The following ZNF277 variants were observed in gnomAD, a reference collection of about 807,000 sequenced individuals.
The protein encoded by ZNF277 is nuclear receptor-interacting factor 4.
In ZNF277, 55 loss-of-function variants were observed where a neutral mutation model predicts 60.7. The observed-to-expected ratio is 0.91, with a 90% CI of 0.73 to 1.13. ZNF277 has a LOEUF of 1.13. ZNF277 is among the 50% of genes most tolerant of loss of function. ZNF277 has a pLI of 0.00. For missense variants in ZNF277, 510 were observed against 523.0 expected (o/e 0.98, Z 0.24); for synonymous variants, 178 against 179.3 (o/e 0.99, Z 0.06).
chr7:112,260,048 C>A (rs1454855479), intron 1 of ZNF277, among the ~76,000 whole-genome samples: 1 of 152,184 alleles, frequency 6.6e-6, no homozygotes, highest in Non-Finnish European at 1.5e-5. Flanking sequence ...GGGTGAATTG[C>A]TTGAGTCCAG....
At chr7:112,325,182 G>T (rs987367407) in intron 5 of ZNF277, among the ~76,000 whole-genome samples, 2 of 152,162 alleles carry the variant, frequency 1.3e-5, no homozygotes, top group Non-Finnish European at 2.9e-5. Context: ...AGTTCCATCT[G>T]TACCTGGCCC....
intron 1 of ZNF277, among the ~76,000 whole-genome samples, chr7:112,245,954 C>T (rs1791072701): frequency 6.6e-6 from 1 of 152,116 alleles, no homozygotes; most frequent in Non-Finnish European, 1.5e-5. Flanking sequence ...GGGACACTCA[C>T]CTTCTTCCTT....
In ZNF277 at chr7:112,212,170, T is replaced by C. The variant is rs1382503669; in HGVS notation, c.91+5363T>C. 2.0e-5 allele frequency among the ~76,000 whole-genome samples: 3 copies of C among 152,232 alleles called. No homozygotes were observed. The East Asian group carries it at 5.8e-4, about 29-fold the overall frequency. ...AATGTTGTTTAAATAATAATTACAT[T>C]TTTTAAAAGAATACTTTAGATCTGG... On this transcript the variant is annotated intron_variant, in intron 1 of 11. Coordinates refer to ENST00000361822, the MANE Select transcript of ZNF277 (RefSeq NM_021994.3).
intron 1 of ZNF277, among the ~76,000 whole-genome samples, chr7:112,249,470 A>G (rs1791154187): frequency 1.3e-5 from 2 of 152,138 alleles, no homozygotes; most frequent in South Asian, 2.1e-4. Flanking sequence ...TACTTAAACC[A>G]GATAGCTGTG....
At chr7:112,260,356 T>C (rs1791415524) in intron 1 of ZNF277, among the ~76,000 whole-genome samples, 1 of 152,194 alleles carries the variant, frequency 6.6e-6, no homozygotes, top group South Asian at 2.1e-4. Flanking sequence ...TTTCATTGCT[T>C]TGTTTGGTAG....
Position 112,302,949 on chromosome 7 carries a change from C to CTT in ZNF277, c.465+6654_465+6655dup, listed in dbSNP as rs34593342. Among the ~76,000 whole-genome samples, 289 of 132,868 alleles carry CTT rather than the reference C, an allele frequency of 2.2e-3. 6 individuals are homozygous for CTT. The highest frequency in any genetic ancestry group is 7.0e-3 in the African/African-American group (241 of 34,622). 87.2% of individuals were successfully genotyped at this position (132,868 alleles called of 152,430 possible). ...GATCTTTCTTTCTGAGCAAATAGGCCTTTTTTTTTTTTTTTTTGAGACAGA... is the reference window on the plus strand; with the variant it reads ...GATCTTTCTTTCTGAGCAAATAGGCCTTTTTTTTTTTTTTTTTTTGAGACAGA... On this transcript the variant is annotated intron_variant, in intron 4 of 11. Coordinates refer to ENST00000361822, the MANE Select transcript of ZNF277 (RefSeq NM_021994.3).
intron 3 of ZNF277, 52 bp from the exon 4 acceptor site, chr7:112,296,177 G>GA (rs1368726619): frequency 7.8e-6 from 10 of 1,284,394 alleles, no homozygotes; most frequent in Non-Finnish European, 2.2e-6. Flanking sequence ...TCCTTCTGGG[G>GA]AAAAAATGGT....
intron 1 of ZNF277, among the ~76,000 whole-genome samples, chr7:112,271,811 A>T (rs1791675539): frequency 6.6e-6 from 1 of 151,528 alleles, no homozygotes; most frequent in African/African-American, 2.4e-5. Flanking sequence ...GAAAGTTTTT[A>T]TGGGTACATA....
At chr7:112,339,766 T>G in intron 9 of ZNF277, 77 bp from the exon 10 acceptor site, 1 of 1,417,100 alleles carries the variant, frequency 7.1e-7, no homozygotes, top group South Asian at 1.2e-5. Flanking sequence ...CAAACTCCTG[T>G]GAATAAGTTG....
At position 112,343,425 on chromosome 7, in the gene ZNF277, T is replaced by C. The variant is rs1415896983; in HGVS notation, c.*696T>C. Among the ~76,000 whole-genome samples the C allele has an allele frequency of 1.3e-5, 2 of 152,158 alleles. No individual in the cohort carries two copies. The highest frequency in any genetic ancestry group is 2.9e-5 in the Non-Finnish European group (2 of 68,026). On this transcript the variant is annotated 3_prime_UTR_variant, in exon 12 of 12. Coordinates refer to ENST00000361822, the MANE Select transcript of ZNF277 (RefSeq NM_021994.3). ...TAAAAACATAACCACAATACCATTATGACACCTAAAAAACATTAACATTAA... is the reference window on the plus strand; with the variant it reads ...TAAAAACATAACCACAATACCATTACGACACCTAAAAAACATTAACATTAA...
intron 4 of ZNF277, among the ~76,000 whole-genome samples, chr7:112,316,788 G>A (rs894893791): frequency 1.3e-5 from 2 of 151,896 alleles, no homozygotes; most frequent in Non-Finnish European, 2.9e-5. Flanking sequence ...TTGACTCAGC[G>A]GTCCCGTTAC....
At chr7:112,267,004 T>G (rs1357964668) in intron 1 of ZNF277, among the ~76,000 whole-genome samples, 3 of 152,198 alleles carry the variant, frequency 2.0e-5, no homozygotes, top group Admixed American at 2.0e-4. Flanking sequence ...AGTAAGAGTT[T>G]GTTCATTCCA....
At chr7:112,237,869 A>C (rs1261601292) in intron 1 of ZNF277, among the ~76,000 whole-genome samples, 1 of 152,194 alleles carries the variant, frequency 6.6e-6, no homozygotes, top group African/African-American at 2.4e-5. Context: ...AGGACACAAC[A>C]AAAAAAGAAA....
At chr7:112,287,200 C>A in intron 2 of ZNF277, 126 bp downstream of exon 2, 2 of 923,634 alleles carry the variant, frequency 2.2e-6, no homozygotes, top group Non-Finnish European at 3.3e-6. Context: ...GTTCAAGATG[C>A]CAGCTCTAAA....
At chr7:112,335,658 C>G (rs568688876) in intron 7 of ZNF277, among the ~76,000 whole-genome samples, 10 of 151,848 alleles carry the variant, frequency 6.6e-5, no homozygotes, top group Non-Finnish European at 1.3e-4. Flanking sequence ...TTTTTTATTT[C>G]TAACAAATTG....
At chr7:112,275,069 T>C (rs1791762116) in intron 1 of ZNF277, among the ~76,000 whole-genome samples, 1 of 152,202 alleles carries the variant, frequency 6.6e-6, no homozygotes, top group South Asian at 2.1e-4. Context: ...GTTAATTAGA[T>C]TTACCAGAAC....
intron 4 of ZNF277, among the ~76,000 whole-genome samples, chr7:112,304,258 T>C (rs558749075): frequency 3.3e-5 from 5 of 152,272 alleles, no homozygotes; most frequent in Admixed American, 3.3e-4. Context: ...CAGAGCTGTG[T>C]GTTTAAGTAT....
At chr7:112,239,259 C>G (rs1390196188) in intron 1 of ZNF277, among the ~76,000 whole-genome samples, 1 of 152,212 alleles carries the variant, frequency 6.6e-6, no homozygotes, top group Admixed American at 6.5e-5. Flanking sequence ...GTTTCCAGTT[C>G]TAAGCCCTAG....
intron 7 of ZNF277, among the ~76,000 whole-genome samples, chr7:112,334,363 T>TAGA (rs1196047521): frequency 6.6e-6 from 1 of 151,992 alleles, no homozygotes; most frequent in Non-Finnish European, 1.5e-5. Flanking sequence ...CTGACATGAT[T>TAGA]CATTAGCAGG....
Sources: gnomAD v4.1 joint callset for allele counts (sites outside exome capture counted in the v4.1 genomes callset) on GRCh38, gnomAD v4.1.1 for gene constraint, MANE v1.5 for transcripts, NCBI Gene and HGNC (gene_info 2026-07-23, HGNC 2026-07-21) for gene names.